ME1: variants seen among roughly 807,000 people sequenced by gnomAD.
ME1 encodes the protein NADP-dependent malic enzyme.
In ME1, 74 loss-of-function variants were observed where a neutral mutation model predicts 66.4. The observed-to-expected ratio is 1.11, with a 90% CI of 0.92 to 1.35. ME1 has a LOEUF of 1.35. ME1 is among the 40% of genes most tolerant of loss of function. The pLI is 0.00. For synonymous variants in ME1, 251 were observed against 235.6 expected, an observed-to-expected ratio of 1.07 and a Z score of -0.60; for missense variants, 750 against 694.1, an observed-to-expected ratio of 1.08 and a Z score of -0.90.
At chr6:83,300,964 C>T (rs572129706) in intron 6 of ME1, among the ~76,000 whole-genome samples, 11 of 152,112 alleles carry the variant, frequency 7.2e-5, no homozygotes, top group East Asian at 3.9e-4. Context: ...CCAAACACTG[C>T]GTGTTCTCAC....
intron 6 of ME1, among the ~76,000 whole-genome samples, chr6:83,256,323 T>C (rs12193457): frequency 0.12 from 17,845 of 152,088 alleles, 1,203 homozygotes; most frequent in African/African-American, 0.18. Flanking sequence ...ATAGTAACAA[T>C]AGAAGCCATA....
chr6:83,334,096 C>T (rs1583387571), intron 5 of ME1, among the ~76,000 whole-genome samples: 1 of 152,134 alleles, frequency 6.6e-6, no homozygotes, highest in Non-Finnish European at 1.5e-5. Context: ...TGGGCGCAGG[C>T]CAGTGTGTGC....
chr6:83,259,005 A>G (rs1766833363), intron 6 of ME1, among the ~76,000 whole-genome samples: 1 of 152,216 alleles, frequency 6.6e-6, no homozygotes, highest in South Asian at 2.1e-4. Context: ...TCCTTTTATT[A>G]TAGGAAATAT....
At chr6:83,390,061 TA>T (rs1202711057) in intron 3 of ME1, among the ~76,000 whole-genome samples, 2 of 152,128 alleles carry the variant, frequency 1.3e-5, no homozygotes, top group African/African-American at 4.8e-5. Flanking sequence ...AGCAGTCATT[TA>T]GAAAAAAATT....
intron 6 of ME1, among the ~76,000 whole-genome samples, chr6:83,297,400 A>G (rs1344467597): frequency 1.3e-5 from 2 of 152,188 alleles, no homozygotes; most frequent in Non-Finnish European, 2.9e-5. Context: ...CAATTTAGAA[A>G]TTAAATGTTA....
intron 3 of ME1, among the ~76,000 whole-genome samples, chr6:83,397,884 G>C (rs1769767475): frequency 6.6e-6 from 1 of 152,154 alleles, no homozygotes; most frequent in Non-Finnish European, 1.5e-5. Context: ...GACACAGAAA[G>C]ACAAATACCA....
At chr6:83,243,764 AT>A (rs1264328169) in intron 7 of ME1, among the ~76,000 whole-genome samples, 3 of 130,220 alleles carry the variant, frequency 2.3e-5, no homozygotes, top group South Asian at 4.3e-4. Flanking sequence ...ATATTATATA[AT>A]TATATTATAT....
chr6:83,280,762 C>T (rs1382495149), intron 6 of ME1, among the ~76,000 whole-genome samples: 1 of 152,170 alleles, frequency 6.6e-6, no homozygotes, highest in Non-Finnish European at 1.5e-5. Flanking sequence ...GCCTGTGTCT[C>T]ACCATGAACA....
chr6:83,365,024 T>C (rs1367978050), intron 3 of ME1, among the ~76,000 whole-genome samples: 2 of 152,206 alleles, frequency 1.3e-5, no homozygotes, highest in African/African-American at 4.8e-5. Flanking sequence ...GGCACTGGAC[T>C]GCCCTCCTAC....
chr6:83,225,205 C>CAAAAAAAA (rs146673365), intron 11 of ME1, among the ~76,000 whole-genome samples: 3 of 40,492 alleles, frequency 7.4e-5, no homozygotes, highest in Admixed American at 2.6e-4. Context: ...GACTCCATCT[C>CAAAAAAAA]AAAAAAAAAA....
chr6:83,392,178 T>C (rs932586562), intron 3 of ME1, among the ~76,000 whole-genome samples: 5 of 151,612 alleles, frequency 3.3e-5, no homozygotes, highest in African/African-American at 9.7e-5. Flanking sequence ...TGAGACACCA[T>C]GGTGAAGGTG....
chr6:83,367,790 G>A (rs1175728794), intron 3 of ME1, among the ~76,000 whole-genome samples: 3 of 152,264 alleles, frequency 2.0e-5, no homozygotes, highest in East Asian at 1.9e-4. Context: ...CTCCATATCA[G>A]CAATATGGCC....
At chr6:83,410,232 T>C (rs1770025052) in intron 1 of ME1, among the ~76,000 whole-genome samples, 1 of 152,110 alleles carries the variant, frequency 6.6e-6, no homozygotes, top group South Asian at 2.1e-4. Context: ...ACATAGTCAA[T>C]AGAATATTTA....
intron 11 of ME1, among the ~76,000 whole-genome samples, chr6:83,225,205 C>CAAAAAA (rs146673365): frequency 3.0e-4 from 12 of 40,442 alleles, no homozygotes; most frequent in South Asian, 1.0e-3. Flanking sequence ...GACTCCATCT[C>CAAAAAA]AAAAAAAAAA....
intron 6 of ME1, among the ~76,000 whole-genome samples, chr6:83,277,895 A>T (rs1212196693): frequency 4.6e-5 from 3 of 65,856 alleles, no homozygotes; most frequent in African/African-American, 2.8e-4. Context: ...GTGAGACTGT[A>T]TCTCAAAATA....
intron 3 of ME1, among the ~76,000 whole-genome samples, chr6:83,360,921 C>T (rs1470168794): frequency 6.6e-6 from 1 of 152,240 alleles, no homozygotes; most frequent in East Asian, 1.9e-4. Context: ...TTGGCAAATG[C>T]CTTTTTCTCC....
intron 9 of ME1, among the ~76,000 whole-genome samples, chr6:83,237,408 A>AAAAGAAAGAAAG (rs57545235): frequency 1.2e-5 from 1 of 84,874 alleles, no homozygotes; most frequent in African/African-American, 6.1e-5. Context: ...GAAAGAAAGA[A>AAAAGAAAGAAAG]AAAGAAAGAA....
intron 3 of ME1, among the ~76,000 whole-genome samples, chr6:83,387,887 G>A (rs761138935): frequency 6.6e-6 from 1 of 151,756 alleles, no homozygotes; most frequent in Non-Finnish European, 1.5e-5. Flanking sequence ...GATACCATTC[G>A]TGCAGCACAT....
chr6:83,379,302 T>G (rs1769350428), intron 3 of ME1, among the ~76,000 whole-genome samples: 1 of 152,126 alleles, frequency 6.6e-6, no homozygotes, highest in Admixed American at 6.6e-5. Flanking sequence ...TGACCTCATC[T>G]GCTCATGTGA....
Sources: allele counts gnomAD v4.1 joint callset (sites outside exome capture counted in the v4.1 genomes callset), GRCh38; gene constraint gnomAD v4.1.1; transcripts MANE v1.5; gene names NCBI Gene and HGNC (gene_info 2026-07-23, HGNC 2026-07-21).